The following FAP variants were observed in gnomAD, a reference collection of about 807,000 sequenced individuals.
FAP encodes fibroblast activation protein alpha, also known as prolyl endopeptidase FAP.
In FAP, 110 loss-of-function variants were observed where a neutral mutation model predicts 126.5. That is an observed-to-expected ratio of 0.87 (90% CI 0.74 to 1.02). The LOEUF (loss-of-function observed/expected upper bound fraction) is 1.02. Among genes scored for constraint, FAP ranks in the 50% least tolerant of loss-of-function variants. The pLI, the probability that FAP is intolerant of heterozygous loss-of-function variation, is 0.00. For synonymous variants in FAP, 334 were observed against 297.3 expected (o/e 1.12, Z -1.27); for missense variants, 919 against 909.2 (o/e 1.01, Z -0.14).
intron 2 of FAP, among the ~76,000 whole-genome samples, chr2:162,231,901 G>C (rs181611624): frequency 3.8e-4 from 58 of 152,230 alleles, no homozygotes; most frequent in African/African-American, 1.4e-3. Context: ...TCTCACTTTT[G>C]CACTTGATTT....
At chr2:162,220,183 T>G (rs1280024445) in intron 6 of FAP, among the ~76,000 whole-genome samples, 1 of 152,204 alleles carries the variant, frequency 6.6e-6, no homozygotes, top group Non-Finnish European at 1.5e-5. Flanking sequence ...GGTGAATGGA[T>G]TAAATACTTA....
At chr2:162,178,408 G>C (rs1014029516) in intron 21 of FAP, among the ~76,000 whole-genome samples, 1 of 152,154 alleles carries the variant, frequency 6.6e-6, no homozygotes, top group Non-Finnish European at 1.5e-5. Flanking sequence ...ATAGGGGGCT[G>C]TCCTATGTAT....
intron 21 of FAP, chr2:162,175,567 G>A (rs1285460040): frequency 2.0e-5 from 3 of 152,136 alleles, no homozygotes; most frequent in Non-Finnish European, 4.4e-5. Flanking sequence ...GCTCAAAGGA[G>A]GAAAAGTCAT....
At chr2:162,239,369 T>C (rs935854767) in intron 2 of FAP, among the ~76,000 whole-genome samples, 4 of 152,114 alleles carry the variant, frequency 2.6e-5, no homozygotes, top group East Asian at 1.9e-4. Flanking sequence ...CTCAGCCTTA[T>C]TCTCCATTCC....
intron 17 of FAP, chr2:162,193,664 T>C (rs1384104488): frequency 6.6e-6 from 1 of 152,176 alleles, no homozygotes; most frequent in African/African-American, 2.4e-5. Context: ...TAAAAGTATT[T>C]CCTTATTAGA....
intron 12 of FAP, among the ~76,000 whole-genome samples, chr2:162,205,736 C>T (rs544158748): frequency 6.6e-6 from 1 of 152,302 alleles, no homozygotes; most frequent in East Asian, 1.9e-4. Context: ...TGGTCTCGAA[C>T]TCCTGACCTC....
At chr2:162,220,174 G>A (rs1689330592) in intron 6 of FAP, among the ~76,000 whole-genome samples, 1 of 152,148 alleles carries the variant, frequency 6.6e-6, no homozygotes, top group South Asian at 2.1e-4. Context: ...TTATAGTGAG[G>A]TGAATGGATT....
chr2:162,216,860 G>A (rs139833275), intron 9 of FAP, among the ~76,000 whole-genome samples: 4 of 152,170 alleles, frequency 2.6e-5, no homozygotes, highest in African/African-American at 7.2e-5. Context: ...TCCACCTAAC[G>A]CCAGATGTTT....
At chr2:162,222,769 A>G (rs947417114) in intron 6 of FAP, among the ~76,000 whole-genome samples, 7 of 152,184 alleles carry the variant, frequency 4.6e-5, no homozygotes, top group Admixed American at 6.5e-5. Context: ...CATTTTAATT[A>G]TTTCCTCATT....
chr2:162,242,143 T>C (rs1231939691), intron 2 of FAP, among the ~76,000 whole-genome samples: 2 of 152,178 alleles, frequency 1.3e-5, no homozygotes, highest in African/African-American at 2.4e-5. Flanking sequence ...GGATTTTTTT[T>C]CCATTTCAGA....
intron 12 of FAP, among the ~76,000 whole-genome samples, chr2:162,209,420 A>G (rs927604069): frequency 6.6e-6 from 1 of 152,190 alleles, no homozygotes; most frequent in South Asian, 2.1e-4. Flanking sequence ...TAAACTTCCA[A>G]ATATAAATGA....
In FAP at chr2:162,215,902, A is replaced by G; in HGVS notation, c.862T>C (p.Ser288Pro). The change falls in exon 10 of 26, where the codon TCA (serine) becomes CCA (proline). Residue 288 changes from serine (S) to proline (P), a missense_variant. By Grantham distance (74) the Ser-to-Pro change is moderately conservative. Coordinates refer to ENST00000188790, the MANE Select transcript of FAP (RefSeq NM_004460.5). ...GAGGGATCTGAGATGAACTACCTTG[A>G]GGCTATCATTGCTGGAACAGGCACT... ...QEVPVPAMIA[S>P]SDYYFSWLTW... The G allele has an allele frequency of 1.9e-6, 3 of 1,609,358 alleles. No individual in the cohort carries two copies. Among genetic ancestry groups the G allele is most frequent in the Non-Finnish European group, 1.7e-6 (2 of 1,175,662 alleles).
In FAP at chr2:162,223,590, T is replaced by A. The variant is rs1689503391; in HGVS notation, c.413+18A>T. 6.7e-7 allele frequency: 1 copy of A among 1,490,886 alleles called. No individual in the cohort carries two copies. 92.4% of individuals were successfully genotyped at this position (1,490,886 alleles called of 1,614,324 possible). A position where few individuals can be genotyped will look rare whatever the true frequency, so the allele number is the denominator to read the frequency against. ...AGGTATTAGATTTAAGTAGTATTAA[T>A]AAACAGAGGTGATTTACCCATTGCT... On this transcript the variant is annotated intron_variant, in intron 6 of 25. Coordinates refer to ENST00000188790, the MANE Select transcript of FAP (RefSeq NM_004460.5).
chr2:162,227,037 G>A (rs1689683330), intron 2 of FAP, among the ~76,000 whole-genome samples: 1 of 152,160 alleles, frequency 6.6e-6, no homozygotes, highest in Admixed American at 6.5e-5. Context: ...TAAAATCCCA[G>A]TCTCTTATGC....
chr2:162,216,025 A>C, intron 9 of FAP, 24 bp from the exon 10 acceptor site: 1 of 1,531,864 alleles, frequency 6.5e-7, no homozygotes, highest in Non-Finnish European at 9.0e-7. Context: ...TGAGATATAT[A>C]AGCTCATAAA....
intron 16 of FAP, among the ~76,000 whole-genome samples, chr2:162,195,486 C>A (rs1051232578): frequency 2.0e-5 from 3 of 151,578 alleles, no homozygotes; most frequent in Admixed American, 2.0e-4. Context: ...GGATGTGGCC[C>A]GGGAGAAGAG....
At chr2:162,189,596 A>C in intron 18 of FAP, 60 bp downstream of exon 18, 1 of 935,648 alleles carries the variant, frequency 1.1e-6, no homozygotes, top group East Asian at 2.5e-5. Flanking sequence ...ATGCTTTTTT[A>C]AAAGCAAGAA....
intron 12 of FAP, 69 bp from the exon 13 acceptor site, chr2:162,203,214 A>G: frequency 1.0e-6 from 1 of 984,416 alleles, no homozygotes. Flanking sequence ...TTGTTTTAAT[A>G]TATAAAAGCG....
rs559044521 is a variant in FAP, at chr2:162,190,053, C to T, written c.1451-299G>A. 3.0e-4 allele frequency among the ~76,000 whole-genome samples: 46 copies of T among 152,004 alleles called. No homozygotes were observed. In the South Asian group the frequency reaches 8.9e-3, roughly 29 times the overall value. On this transcript the variant is annotated intron_variant, in intron 17 of 25. Coordinates refer to ENST00000188790, the MANE Select transcript of FAP (RefSeq NM_004460.5). ...TTCAATCACGTTTTCCCATCTAAAG[C>T]TGTTTTGTTTTTAAGTTTAAAGCCA... is the stretch of plus-strand genomic sequence containing the variant.
Sources: allele counts gnomAD v4.1 joint callset (sites outside exome capture counted in the v4.1 genomes callset), GRCh38; gene constraint gnomAD v4.1.1; transcripts MANE v1.5; gene names NCBI Gene and HGNC (gene_info 2026-07-23, HGNC 2026-07-21).